Variants in UMODL1 observed in about 807,000 individuals in gnomAD.
The protein encoded by UMODL1 is uromodulin like 1, also known as uromodulin-like 1.
A neutral mutation model predicts 136.3 loss-of-function variants in UMODL1; 128 were observed. The ratio of observed to expected loss-of-function variants is 0.94; its 90% CI spans 0.81 to 1.09. UMODL1 has a LOEUF of 1.09. Among genes scored for constraint, UMODL1 ranks in the 50% least tolerant of loss-of-function variants. The probability of loss-of-function intolerance (pLI) is 0.00; values close to 1 mark genes in which losing one functional copy is unlikely to be tolerated. For synonymous variants in UMODL1, 721 were observed against 720.0 expected (o/e 1.00, Z -0.02); for missense variants, 1,766 against 1,725.6 (o/e 1.02, Z -0.41).
intron 21 of UMODL1, 56 bp from the exon 22 acceptor site, chr21:42,137,383 T>C: frequency 6.3e-7 from 1 of 1,595,132 alleles, no homozygotes; most frequent in South Asian, 1.1e-5. Context: ...GGGCTTGCTC[T>C]ATCGCATTCC....
At position 42,127,722 on chromosome 21, in the gene UMODL1, A is replaced by G. The variant is rs1372369221; in HGVS notation, c.3581A>G (p.Asn1194Ser). The stretch of plus-strand genomic sequence containing the variant: ...AACGTGATTGAGAACGGCAACTCCA[A>G]TAAGGCCCAGTTCAAGCTGAGGATC... ...YTNVIENGNSNKAQFKLRIFS... is the reference protein window; with the variant it reads ...YTNVIENGNSSKAQFKLRIFS... The change falls in exon 20 of 23, where the codon AAT becomes AGT. Residue 1194 changes from asparagine to serine, a missense_variant. Coordinates refer to ENST00000408910, the MANE Select transcript of UMODL1 (RefSeq NM_001004416.3). 3 of 1,614,216 alleles carry G rather than the reference A, an allele frequency of 1.9e-6. No individual in the cohort carries two copies. The highest frequency in any genetic ancestry group is 1.1e-5 in the South Asian group (1 of 91,078).
Position 42,099,516 on chromosome 21 carries a change from C to T in UMODL1, c.1186+336C>T, listed in dbSNP as rs376695801. Among the ~76,000 whole-genome samples the T allele has an allele frequency of 1.3e-5, 2 of 152,252 alleles. No homozygotes were observed. Among genetic ancestry groups the T allele is most frequent in the South Asian group, 4.1e-4 (2 of 4,826 alleles). Reference sequence around the variant, plus strand: ...AAAATAATAATAATAAAGCAGAAGGCGGCAGCTCCTGGCAGGCAGATCCGG... The same window carrying T: ...AAAATAATAATAATAAAGCAGAAGGTGGCAGCTCCTGGCAGGCAGATCCGG... On this transcript the variant is annotated intron_variant, in intron 7 of 22. Coordinates refer to ENST00000408910, the MANE Select transcript of UMODL1 (RefSeq NM_001004416.3). The surrounding 1 kb of genome is among the most constrained non-coding windows in gnomAD (Gnocchi z 4.1).
chr21:42,109,790 C>T, intron 10 of UMODL1, 91 bp downstream of exon 10: 4 of 1,415,966 alleles, frequency 2.8e-6, no homozygotes, highest in Non-Finnish European at 3.8e-6. Flanking sequence ...AGGCACAGGG[C>T]TGAGGACCTA....
chr21:42,121,571 G>A (rs373423632), intron 16 of UMODL1, among the ~76,000 whole-genome samples: 94 of 152,282 alleles, frequency 6.2e-4, no homozygotes, highest in African/African-American at 2.1e-3. Context: ...ACACGCAGCC[G>A]TGGGACACGC....
intron 21 of UMODL1, among the ~76,000 whole-genome samples, chr21:42,136,778 A>G (rs937757953): frequency 1.1e-4 from 17 of 149,572 alleles, no homozygotes; most frequent in Non-Finnish European, 2.2e-4. Flanking sequence ...TTCTTTTTTG[A>G]GACCGAGTCT....
chr21:42,117,969 C>T (rs897107609), intron 14 of UMODL1, among the ~76,000 whole-genome samples: 3 of 152,140 alleles, frequency 2.0e-5, no homozygotes, highest in African/African-American at 7.2e-5. Flanking sequence ...TTCAGGACAG[C>T]AAATAATTAT....
chr21:42,126,367 G>A lies in UMODL1; in HGVS notation c.3170G>A (p.Arg1057Lys), dbSNP rs2067053707. 3 of 1,614,154 alleles carry A rather than the reference G, an allele frequency of 1.9e-6. No homozygotes were observed. The highest frequency in any genetic ancestry group is 2.5e-6 in the Non-Finnish European group (3 of 1,180,028). ...MQSNMTNTVV[R>K]TTLRNDLSQE... ...CAGAACATGACGAACACCGTGGTGAGGACCACGCTGAGGAACGACCTGTCC... is the reference window on the plus strand; with the variant it reads ...CAGAACATGACGAACACCGTGGTGAAGACCACGCTGAGGAACGACCTGTCC... The change falls in exon 18 of 23, where the codon AGG (arginine) becomes AAG (lysine). Residue 1057 changes from arginine (R) to lysine (K), a missense_variant. Physicochemically the swap from Arg to Lys is conservative, Grantham distance 26 (BLOSUM62 2). Transcript: ENST00000408910.
At position 42,099,269 on chromosome 21, in the gene UMODL1, C is replaced by CT; in HGVS notation, c.1186+90dup. On this transcript the variant is annotated intron_variant, in intron 7 of 22. Coordinates refer to ENST00000408910, the MANE Select transcript of UMODL1 (RefSeq NM_001004416.3). The surrounding 1 kb of genome is among the most constrained non-coding windows in gnomAD (Gnocchi z 4.1). Reference sequence around the variant, plus strand: ...GCCCTAGCATGTCGCGTTCTTCTTCCTATAACCAGGGCACCAGAAGTCACT... The same window carrying CT: ...GCCCTAGCATGTCGCGTTCTTCTTCCTTATAACCAGGGCACCAGAAGTCACT... 1 of 1,516,348 alleles carries CT rather than the reference C, an allele frequency of 6.6e-7. No homozygotes were observed. Among genetic ancestry groups the CT allele is most frequent in the Non-Finnish European group, 8.8e-7 (1 of 1,133,284 alleles). The allele number at this position is 1,516,348 out of a possible 1,614,324, so 93.9% of individuals were successfully genotyped here. A position where few individuals can be genotyped will look rare whatever the true frequency, so the allele number is the denominator to read the frequency against.
chr21:42,111,131 A>G lies in UMODL1; in HGVS notation c.1899+10A>G. ...AGGCGTGGAGCAGGAGGTGCCCAGC[A>G]CTGCCCCGGGTCTGGGGATGGACCA... On this transcript the variant is annotated intron_variant, in intron 11 of 22. Transcript: ENST00000408910. 6.2e-7 allele frequency: 1 copy of G among 1,602,696 alleles called. No individual in the cohort carries two copies. Among genetic ancestry groups the G allele is most frequent in the Non-Finnish European group, 8.5e-7 (1 of 1,175,144 alleles).
intron 21 of UMODL1, among the ~76,000 whole-genome samples, chr21:42,136,960 G>A (rs1451514113): frequency 6.6e-6 from 1 of 152,116 alleles, no homozygotes; most frequent in African/African-American, 2.4e-5. Flanking sequence ...GTTTCACCAT[G>A]TGGGCCAGGA....
intron 9 of UMODL1, among the ~76,000 whole-genome samples, chr21:42,108,859 C>CAG (rs1370206976): frequency 1.4e-5 from 2 of 142,036 alleles, no homozygotes; most frequent in Admixed American, 7.2e-5. Context: ...ATGTTGTACT[C>CAG]CGCTGGACCC....
At chr21:42,083,258 C>T (rs563304375) in intron 2 of UMODL1, among the ~76,000 whole-genome samples, 5 of 152,334 alleles carry the variant, frequency 3.3e-5, no homozygotes, top group Non-Finnish European at 4.4e-5. Context: ...TACACCAGGC[C>T]GTTCTTCCCG....
Position 42,103,542 on chromosome 21 carries a change from C to T in UMODL1, c.1300-326C>T, listed in dbSNP as rs371778668. 137 of 431,228 alleles carry T rather than the reference C, an allele frequency of 3.2e-4. 2 individuals carry two copies. The East Asian group carries it at 4.2e-3, about 13-fold the overall frequency. The allele number at this position is 431,228 out of a possible 1,614,324, so 26.7% of individuals were successfully genotyped here. A position where few individuals can be genotyped will look rare whatever the true frequency, so the allele number is the denominator to read the frequency against. On this transcript the variant is annotated intron_variant, in intron 8 of 22. Coordinates refer to ENST00000408910, the MANE Select transcript of UMODL1 (RefSeq NM_001004416.3). ...TATCAATCAATCAGTCTTTCTCACA[C>T]GCTCACACAAATGACCTTCGCACCA...
In UMODL1 at chr21:42,138,628, T is replaced by C. The variant is rs550701964; in HGVS notation, c.*21+987T>C. Among the ~76,000 whole-genome samples, 13 of 151,858 alleles carry C rather than the reference T, an allele frequency of 8.6e-5. No homozygotes were observed. The South Asian group carries it at 2.3e-3, about 27-fold the overall frequency. On this transcript the variant is annotated intron_variant, in intron 22 of 22. Coordinates refer to ENST00000408910, the MANE Select transcript of UMODL1 (RefSeq NM_001004416.3). ...TTTGCTCTTGTTGCCCAGGTTGGAG[T>C]GCAGTGGTGCGATCTTGGCTCACCA... is the stretch of plus-strand genomic sequence containing the variant.
intron 10 of UMODL1, 22 bp downstream of exon 10, chr21:42,109,721 G>T: frequency 6.3e-7 from 1 of 1,597,148 alleles, no homozygotes; most frequent in Admixed American, 1.7e-5. Flanking sequence ...CCCCCCTGCC[G>T]ACTCTGGGAA....
chr21:42,068,579 A>C (rs2066202192), upstream of UMODL1, among the ~76,000 whole-genome samples: 1 of 152,162 alleles, frequency 6.6e-6, no homozygotes, highest in African/African-American at 2.4e-5. This position sits in a 1 kb window ranked among gnomAD's most constrained non-coding sequence, Gnocchi z 5.5. Context: ...CACCCCTTGG[A>C]GATGAGGGCT....
At position 42,085,011 on chromosome 21, in the gene UMODL1, ATC is replaced by A. The variant is rs1252743380; in HGVS notation, c.482-276_482-275del. On this transcript the variant is annotated intron_variant, in intron 3 of 22. Transcript: ENST00000408910. The surrounding 1 kb of genome is among the most constrained non-coding windows in gnomAD (Gnocchi z 4.5). Reference sequence around the variant, plus strand: ...TAGGCTCTATTTACCTCCTAAGCAGATCTCTTCAAGGGAAGGCCTGCTGCTGT... The same window carrying A: ...TAGGCTCTATTTACCTCCTAAGCAGATCTTCAAGGGAAGGCCTGCTGCTGT... 6.6e-6 allele frequency among the ~76,000 whole-genome samples: 1 copy of A among 151,798 alleles called. No individual in the cohort carries two copies. The highest frequency in any genetic ancestry group is 1.5e-5 in the Non-Finnish European group (1 of 68,008).
chr21:42,091,769 G>A (rs2066494853), intron 6 of UMODL1, among the ~76,000 whole-genome samples: 2 of 152,362 alleles, frequency 1.3e-5, no homozygotes, highest in Non-Finnish European at 1.5e-5. Flanking sequence ...GAGTGGCGGT[G>A]CCAGGATGCT....
At chr21:42,101,946 T>C (rs917583691) in intron 7 of UMODL1, 2 of 446,266 alleles carry the variant, frequency 4.5e-6, no homozygotes, top group Non-Finnish European at 8.4e-6. Context: ...GTGACGTTTG[T>C]ACCTCCTTCC....
Sources: gnomAD v4.1 joint callset for allele counts (sites outside exome capture counted in the v4.1 genomes callset) on GRCh38, gnomAD v4.1.1 for gene constraint, Gnocchi (gnomAD v3.1) non-coding constraint, MANE v1.5 for transcripts, NCBI Gene and HGNC (gene_info 2026-07-23, HGNC 2026-07-21) for gene names.